DKK4: variants seen among roughly 807,000 people sequenced by gnomAD.
The protein encoded by DKK4 is dickkopf Wnt signaling pathway inhibitor 4.
In DKK4, 15 loss-of-function variants were observed where a neutral mutation model predicts 14.5. That is an observed-to-expected ratio of 1.03 (90% CI 0.69 to 1.59). The LOEUF (loss-of-function observed/expected upper bound fraction) is 1.59, where lower values mean the gene tolerates loss of function less well. Among genes scored for constraint, DKK4 ranks in the 40% most tolerant of loss-of-function variants. The probability of loss-of-function intolerance (pLI) is 0.00; values close to 1 mark genes in which losing one functional copy is unlikely to be tolerated. For synonymous variants in DKK4, 89 were observed against 105.2 expected, an observed-to-expected ratio of 0.85 and a Z score of 0.94; for missense variants, 272 against 280.3, an observed-to-expected ratio of 0.97 and a Z score of 0.21.
chr8:42,391,068 G>A, the DKK4 span, among the ~76,000 whole-genome samples: 1 of 152,124 alleles, frequency 6.6e-6, no homozygotes, highest in East Asian at 1.9e-4. Flanking sequence ...CTCCTCTACA[G>A]AAGAGCTTTT....
In DKK4 at chr8:42,375,679, C is replaced by A. The variant is rs978240025; in HGVS notation, c.262+1G>T. The A allele has an allele frequency of 1.2e-6, 2 of 1,613,044 alleles. No homozygotes were observed. Among genetic ancestry groups the A allele is most frequent in the African/African-American group, 2.7e-5 (2 of 74,898 alleles). On this transcript the variant is annotated splice_donor_variant, in intron 2 of 3. Coordinates refer to ENST00000220812, the MANE Select transcript of DKK4 (RefSeq NM_014420.3). LOFTEE classifies it high-confidence loss of function. ...ACCACTGTTGGCGTTATGTCGCTCA[C>A]CGTTCACACAGAGTGTCCCAGGGCA...
chr8:42,383,473 C>T, the DKK4 span, among the ~76,000 whole-genome samples: 1 of 152,276 alleles, frequency 6.6e-6, no homozygotes, highest in Non-Finnish European at 1.5e-5. Context: ...ATGTTCCATG[C>T]ACGTGGCCCA....
chr8:42,384,813 C>T, the DKK4 span, among the ~76,000 whole-genome samples: 1 of 152,188 alleles, frequency 6.6e-6, no homozygotes, highest in South Asian at 2.1e-4. Context: ...TCTATGCCTG[C>T]TACACATGTC....
At chr8:42,388,057 C>T in the DKK4 span, among the ~76,000 whole-genome samples, 1 of 152,106 alleles carries the variant, frequency 6.6e-6, no homozygotes, top group Non-Finnish European at 1.5e-5. Context: ...CACCATCACC[C>T]TCAGCTAATT....
At chr8:42,383,277 G>GC in the DKK4 span, among the ~76,000 whole-genome samples, 2 of 152,052 alleles carry the variant, frequency 1.3e-5, no homozygotes, top group African/African-American at 4.8e-5. Flanking sequence ...GGACAGCACA[G>GC]GGGGGATGCC....
chr8:42,378,422 C>T (rs1824601554), upstream of DKK4, among the ~76,000 whole-genome samples: 2 of 151,926 alleles, frequency 1.3e-5, no homozygotes, highest in Admixed American at 1.3e-4. Flanking sequence ...GTGATTCGAG[C>T]CTTCCTACTA....
chr8:42,378,357 G>A (rs1824600422), upstream of DKK4, among the ~76,000 whole-genome samples: 1 of 152,088 alleles, frequency 6.6e-6, no homozygotes, highest in African/African-American at 2.4e-5. Flanking sequence ...AGCATTCTGT[G>A]CATGGGAACA....
chr8:42,390,433 G>C, the DKK4 span, among the ~76,000 whole-genome samples: 14 of 137,964 alleles, frequency 1.0e-4, no homozygotes, highest in Non-Finnish European at 2.0e-4. Flanking sequence ...GCGCGATCTC[G>C]GCTCACTGCA....
Position 42,375,700 on chromosome 8 carries a change from G to C in DKK4, c.242C>G (p.Pro81Arg), listed in dbSNP as rs1471089564. 6 of 1,613,588 alleles carry C rather than the reference G, an allele frequency of 3.7e-6. No individual in the cohort carries two copies. In the South Asian group the frequency reaches 6.6e-5, roughly 18 times the overall value. Residue 81 changes from proline (P) to arginine (R), a missense_variant, in exon 2 of 4, where the codon CCT (proline) becomes CGT (arginine). Pro to Arg is a moderately radical substitution (Grantham distance 103). Transcript: ENST00000220812. ...CTCACCGTTCACACAGAGTGTCCCA[G>C]GGCAGCACATGGCATCTCGCTGGCA... ...RRCQRDAMCC[P>R]GTLCVNDVCT...
upstream of DKK4, among the ~76,000 whole-genome samples, chr8:42,380,072 C>G (rs750888374): frequency 3.9e-5 from 6 of 152,094 alleles, no homozygotes; most frequent in Non-Finnish European, 8.8e-5. Flanking sequence ...CCAGCACTTG[C>G]CTGTAGTCTC....
rs1237301416 is a variant in DKK4, at chr8:42,375,803, A to G, written c.139T>C (p.Cys47Arg). ...TGGAGGCAGAACTTTCTGGTATTGC[A>G]GTCCGTGTCAGACAGGCACTGTGAG... ...KGSQCLSDTD[C>R]NTRKFCLQPR... Residue 47 changes from cysteine to arginine, a missense_variant, in exon 2 of 4, where the codon TGC becomes CGC. Coordinates refer to ENST00000220812, the MANE Select transcript of DKK4 (RefSeq NM_014420.3). The G allele has an allele frequency of 6.2e-7, 1 of 1,614,138 alleles. No homozygotes were observed. Among genetic ancestry groups the G allele is most frequent in the Admixed American group, 1.7e-5 (1 of 60,018 alleles).
At chr8:42,385,078 C>T in the DKK4 span, among the ~76,000 whole-genome samples, 1 of 152,134 alleles carries the variant, frequency 6.6e-6, no homozygotes, top group Non-Finnish European at 1.5e-5. Context: ...CATAAAACAA[C>T]TTAGTAATTA....
upstream of DKK4, among the ~76,000 whole-genome samples, chr8:42,379,786 A>G (rs77736087): frequency 0.035 from 5,314 of 152,090 alleles, 109 homozygotes; most frequent in Non-Finnish European, 0.04. Flanking sequence ...CTAGTGAGAG[A>G]TTGTGTGGCT....
chr8:42,381,174 T>G (rs1263949577), upstream of DKK4, among the ~76,000 whole-genome samples: 1 of 151,258 alleles, frequency 6.6e-6, no homozygotes, highest in African/African-American at 2.4e-5. Context: ...AAGTTCGAGC[T>G]GCATCACTGG....
At chr8:42,385,904 AT>A in the DKK4 span, among the ~76,000 whole-genome samples, 2 of 152,212 alleles carry the variant, frequency 1.3e-5, no homozygotes, top group South Asian at 4.1e-4. Context: ...AATTTTCCCA[AT>A]TTTTTTCTAT....
the DKK4 span, among the ~76,000 whole-genome samples, chr8:42,384,992 G>C: frequency 2.0e-5 from 3 of 152,342 alleles, no homozygotes; most frequent in East Asian, 5.8e-4. Context: ...AAGTGACTGA[G>C]ACTAAATGAC....
chr8:42,390,345 T>C, the DKK4 span, among the ~76,000 whole-genome samples: 1 of 148,360 alleles, frequency 6.7e-6, no homozygotes, highest in Admixed American at 6.7e-5. Context: ...TTTAGTGCCA[T>C]ATCTTTTGCT....
Position 42,375,909 on chromosome 8 carries a change from C to G in DKK4, c.112-79G>C, listed in dbSNP as rs1327812718. ...ATGACTTATTATTGAAGGCAGGAGGCGGAGGGAGCCAAAGGACAGTGGCGC... is the reference window on the plus strand; with the variant it reads ...ATGACTTATTATTGAAGGCAGGAGGGGGAGGGAGCCAAAGGACAGTGGCGC... On this transcript the variant is annotated intron_variant, in intron 1 of 3. Coordinates refer to ENST00000220812, the MANE Select transcript of DKK4 (RefSeq NM_014420.3). 11 of 1,534,552 alleles carry G rather than the reference C, an allele frequency of 7.2e-6. 1 individual carries two copies. The South Asian group carries it at 1.3e-4, about 19-fold the overall frequency.
At chr8:42,383,408 G>T in the DKK4 span, among the ~76,000 whole-genome samples, 1 of 152,262 alleles carries the variant, frequency 6.6e-6, no homozygotes, top group Non-Finnish European at 1.5e-5. Context: ...GGGAGATTGG[G>T]CTGGCATCTG....
Sources: gnomAD v4.1 joint callset for allele counts (sites outside exome capture counted in the v4.1 genomes callset) on GRCh38, gnomAD v4.1.1 for gene constraint, MANE v1.5 for transcripts, NCBI Gene and HGNC (gene_info 2026-07-23, HGNC 2026-07-21) for gene names.